Variants in RPS6KC1 observed in about 807,000 individuals in gnomAD.
RPS6KC1 encodes ribosomal protein S6 kinase C1.
In RPS6KC1, 54 loss-of-function variants were observed where a neutral mutation model predicts 103.8. The ratio of observed to expected loss-of-function variants is 0.52; its 90% confidence interval spans 0.42 to 0.65. The LOEUF (loss-of-function observed/expected upper bound fraction) is 0.65, where lower values mean the gene tolerates loss of function less well. Ranked by LOEUF, RPS6KC1 falls within the 30% of genes least tolerant of loss-of-function variation. RPS6KC1 has a pLI of 0.00. For missense variants in RPS6KC1, 1,151 were observed against 1,253.8 expected (o/e 0.92, Z 1.24); for synonymous variants, 439 against 438.7 (o/e 1.00, Z -0.01).
the RPS6KC1 span, among the ~76,000 whole-genome samples, chr1:213,419,951 C>T: frequency 6.6e-6 from 1 of 152,186 alleles, no homozygotes; most frequent in Non-Finnish European, 1.5e-5. Context: ...CATTGATTTT[C>T]TTTAATGCAC....
At chr1:213,681,913 G>T in the RPS6KC1 span, among the ~76,000 whole-genome samples, 1 of 152,198 alleles carries the variant, frequency 6.6e-6, no homozygotes, top group African/African-American at 2.4e-5. Flanking sequence ...GTCTCACTCT[G>T]ATATTCAAGG....
chr1:213,625,021 C>T, the RPS6KC1 span, among the ~76,000 whole-genome samples: 163 of 152,152 alleles, frequency 1.1e-3, no homozygotes, highest in African/African-American at 3.7e-3. Context: ...CTCACTCTGT[C>T]GCCCAGGCTG....
the RPS6KC1 span, among the ~76,000 whole-genome samples, chr1:213,772,968 C>T: frequency 6.6e-6 from 1 of 152,224 alleles, no homozygotes; most frequent in African/African-American, 2.4e-5. Flanking sequence ...CAGATGGCTC[C>T]CCAGCTGTTT....
At chr1:213,500,649 A>G in the RPS6KC1 span, among the ~76,000 whole-genome samples, 32,488 of 152,150 alleles carry the variant, frequency 0.21, 4,347 homozygotes, top group Middle Eastern at 0.33. Flanking sequence ...GTGCTATGAC[A>G]TTAGGACAGC....
chr1:213,277,423 G>A (rs1056991125), downstream of RPS6KC1, among the ~76,000 whole-genome samples: 1 of 152,212 alleles, frequency 6.6e-6, no homozygotes, highest in African/African-American at 2.4e-5. Flanking sequence ...ATTTGTGGCG[G>A]TGTAAGAGAG....
intron 6 of RPS6KC1, among the ~76,000 whole-genome samples, chr1:213,151,250 G>C (rs866341965): frequency 1.3e-4 from 14 of 104,908 alleles, no homozygotes; most frequent in South Asian, 6.6e-4. Flanking sequence ...CGGACGGGGC[G>C]GCTGGCCGGG....
chr1:213,291,887 G>A, the RPS6KC1 span, among the ~76,000 whole-genome samples: 4 of 152,136 alleles, frequency 2.6e-5, no homozygotes, highest in South Asian at 2.1e-4. Flanking sequence ...TAGGTCTAAC[G>A]TTTAAGTCTT....
chr1:213,807,256 T>A, the RPS6KC1 span, among the ~76,000 whole-genome samples: 2 of 152,202 alleles, frequency 1.3e-5, no homozygotes, highest in South Asian at 2.1e-4. Flanking sequence ...CAATTATGTG[T>A]CTTGGAGTTG....
At chr1:213,753,791 C>CTAAGCAT in the RPS6KC1 span, among the ~76,000 whole-genome samples, 9 of 152,220 alleles carry the variant, frequency 5.9e-5, no homozygotes, top group African/African-American at 2.2e-4. Context: ...TTATCCAACA[C>CTAAGCAT]TAAGCATTCG....
chr1:213,298,172 C>G, the RPS6KC1 span, among the ~76,000 whole-genome samples: 41 of 152,336 alleles, frequency 2.7e-4, no homozygotes, highest in East Asian at 7.3e-3. Context: ...TTTCAGTGTT[C>G]CACACCTTCG....
chr1:213,688,835 A>G, the RPS6KC1 span, among the ~76,000 whole-genome samples: 1 of 152,190 alleles, frequency 6.6e-6, no homozygotes, highest in Admixed American at 6.5e-5. Flanking sequence ...CCCAGGCACC[A>G]CACCACAGTC....
the RPS6KC1 span, among the ~76,000 whole-genome samples, chr1:213,323,088 C>A: frequency 6.6e-6 from 1 of 151,850 alleles, no homozygotes; most frequent in Non-Finnish European, 1.5e-5. Context: ...TCAAAGCCAG[C>A]AGCATAGCAT....
At chr1:213,355,907 T>C in the RPS6KC1 span, among the ~76,000 whole-genome samples, 2 of 152,354 alleles carry the variant, frequency 1.3e-5, no homozygotes, top group South Asian at 4.1e-4. Context: ...TGGACAGTTA[T>C]TTAACCATCT....
the RPS6KC1 span, among the ~76,000 whole-genome samples, chr1:213,660,054 G>A: frequency 1.3e-5 from 2 of 152,200 alleles, no homozygotes; most frequent in Admixed American, 6.5e-5. Context: ...GCTGTCTCAG[G>A]TGTGGTGGCC....
the RPS6KC1 span, among the ~76,000 whole-genome samples, chr1:213,767,755 T>C: frequency 6.6e-6 from 1 of 152,200 alleles, no homozygotes; most frequent in African/African-American, 2.4e-5. Context: ...AGAGAAACTC[T>C]GAGTCTCTGA....
In RPS6KC1 at chr1:213,111,344, A is replaced by T. The variant is rs1030089802; in HGVS notation, c.379-5973A>T. On this transcript the variant is annotated intron_variant, in intron 4 of 14. Coordinates refer to ENST00000366960, the MANE Select transcript of RPS6KC1 (RefSeq NM_012424.6). ...CTATATATCCCAAAATTTCTATGAA[A>T]TTTTTTTACTGCATACTCAGAAACA... Among the ~76,000 whole-genome samples, 3 of 152,204 alleles carry T rather than the reference A, an allele frequency of 2.0e-5. 1 individual carries two copies. Among genetic ancestry groups the T allele is most frequent in the African/African-American group, 4.8e-5 (2 of 41,532 alleles).
At chr1:213,399,720 C>T in the RPS6KC1 span, among the ~76,000 whole-genome samples, 1 of 152,084 alleles carries the variant, frequency 6.6e-6, no homozygotes, top group African/African-American at 2.4e-5. Context: ...CTGCCTGGTG[C>T]CCACTGCTGT....
chr1:213,066,746 C>T (rs1558249010), intron 1 of RPS6KC1, among the ~76,000 whole-genome samples: 2 of 152,118 alleles, frequency 1.3e-5, no homozygotes, highest in Non-Finnish European at 2.9e-5. Flanking sequence ...TATGGGAAAA[C>T]AGGAACTACA....
chr1:213,699,754 G>A, the RPS6KC1 span, among the ~76,000 whole-genome samples: 1 of 152,008 alleles, frequency 6.6e-6, no homozygotes, highest in Non-Finnish European at 1.5e-5. Flanking sequence ...CTGGGGTGAG[G>A]TGACATTTGT....
Sources: gnomAD v4.1 joint callset for allele counts (sites outside exome capture counted in the v4.1 genomes callset) on GRCh38, gnomAD v4.1.1 for gene constraint, MANE v1.5 for transcripts, NCBI Gene and HGNC (gene_info 2026-07-23, HGNC 2026-07-21) for gene names.